The following SLC75A1 variants were observed in gnomAD, a reference collection of about 807,000 sequenced individuals.
The protein encoded by SLC75A1 is major facilitator superfamily domain containing 10.
chr4:2,930,854 G>A, the SLC75A1 span: 35 of 1,613,082 alleles, frequency 2.2e-5, no homozygotes, highest in African/African-American at 5.3e-5. Flanking sequence ...AGCCTTGAGC[G>A]TCTGTGCCGG....
At chr4:2,932,037 G>A in the SLC75A1 span, 1 of 1,610,582 alleles carries the variant, frequency 6.2e-7, no homozygotes, top group Non-Finnish European at 8.5e-7. Flanking sequence ...GGTTGGTCGA[G>A]TCCTTACTGT....
chr4:2,932,519 A>C, the SLC75A1 span: 106 of 1,613,294 alleles, frequency 6.6e-5, no homozygotes, highest in Non-Finnish European at 1.0e-5. Flanking sequence ...CCGCCTAGGG[A>C]AAAGACCACC....
At chr4:2,933,126 G>A in the SLC75A1 span, 11 of 1,613,602 alleles carry the variant, frequency 6.8e-6, no homozygotes, top group Admixed American at 1.5e-4. Flanking sequence ...AGCATCACCG[G>A]GCGCCTCCCC....
the SLC75A1 span, chr4:2,931,466 C>T: frequency 6.3e-7 from 1 of 1,575,494 alleles, no homozygotes; most frequent in Non-Finnish European, 8.6e-7. Flanking sequence ...GCAGGAGGGC[C>T]TGCAGGTGGG....
At chr4:2,933,030 TC>T in the SLC75A1 span, 1 of 1,430,118 alleles carries the variant, frequency 7.0e-7, no homozygotes, top group African/African-American at 1.4e-5. Flanking sequence ...CACCTCCCTC[TC>T]CCCACCTAAC....
At chr4:2,934,168 C>A in the SLC75A1 span, 2 of 575,400 alleles carry the variant, frequency 3.5e-6, no homozygotes, top group Non-Finnish European at 6.2e-6. Flanking sequence ...GCAAAGGCAA[C>A]GGTCCTGAGA....
the SLC75A1 span, chr4:2,931,653 C>A: frequency 6.2e-7 from 1 of 1,613,344 alleles, no homozygotes; most frequent in Non-Finnish European, 8.5e-7. Context: ...AACATCTTCC[C>A]CTGCTGTAGG....
chr4:2,930,820 C>G, the SLC75A1 span: 6 of 1,612,074 alleles, frequency 3.7e-6, no homozygotes, highest in African/African-American at 6.7e-5. Flanking sequence ...TGCCCACAGC[C>G]TGGGCACAGT....
the SLC75A1 span, chr4:2,931,242 C>G: frequency 6.4e-7 from 1 of 1,564,334 alleles, no homozygotes; most frequent in Non-Finnish European, 8.7e-7. Context: ...CCAGCGACCA[C>G]GGAGGACAGG....
At chr4:2,932,296 C>T in the SLC75A1 span, 3 of 1,576,302 alleles carry the variant, frequency 1.9e-6, no homozygotes, top group African/African-American at 1.4e-5. Flanking sequence ...CTTTACATCG[C>T]TATGGAATCA....
At chr4:2,931,191 C>T in the SLC75A1 span, 226 of 1,557,662 alleles carry the variant, frequency 1.5e-4, no homozygotes, top group Non-Finnish European at 1.9e-4. Flanking sequence ...GCCCTTCTCC[C>T]GCTCAGGTGG....
the SLC75A1 span, chr4:2,932,033 T>A: frequency 6.2e-7 from 1 of 1,610,218 alleles, no homozygotes; most frequent in East Asian, 2.2e-5. Context: ...CTTGGGTTGG[T>A]CGAGTCCTTA....
At chr4:2,932,648 C>T in the SLC75A1 span, 135 of 1,612,780 alleles carry the variant, frequency 8.4e-5, no homozygotes, top group African/African-American at 1.3e-3. Context: ...CAACGATGGC[C>T]GTGGAGAGGC....
chr4:2,931,612 G>C, the SLC75A1 span: 1 of 1,613,656 alleles, frequency 6.2e-7, no homozygotes, highest in Admixed American at 1.7e-5. Context: ...AGGCACCCTG[G>C]ATGGTGGCCA....
the SLC75A1 span, chr4:2,930,725 C>G: frequency 7.9e-7 from 1 of 1,261,510 alleles, no homozygotes; most frequent in South Asian, 1.5e-5. Context: ...GGGGCCGGCC[C>G]CCACCCACAG....
chr4:2,932,578 A>C, the SLC75A1 span: 1 of 1,612,684 alleles, frequency 6.2e-7, no homozygotes, highest in South Asian at 1.1e-5. Context: ...CAGGACCCCA[A>C]AGGCCCAGCC....
the SLC75A1 span, chr4:2,931,315 A>G: frequency 6.5e-7 from 1 of 1,547,256 alleles, no homozygotes; most frequent in South Asian, 1.2e-5. Flanking sequence ...AGCCCAGGGG[A>G]GGGTGCATCA....
chr4:2,931,941 G>A, the SLC75A1 span: 1 of 1,606,280 alleles, frequency 6.2e-7, no homozygotes, highest in Non-Finnish European at 8.5e-7. Flanking sequence ...TGAGCCCTGG[G>A]GAGAGGTGGC....
the SLC75A1 span, chr4:2,933,734 C>A: frequency 1.2e-6 from 2 of 1,604,852 alleles, no homozygotes; most frequent in African/African-American, 2.7e-5. Context: ...GCACTGTGGG[C>A]CGCAGGGCAA....
Sources: gnomAD v4.1 joint callset for allele counts on GRCh38, gnomAD v4.1.1 for gene constraint, MANE v1.5 for transcripts, NCBI Gene and HGNC (gene_info 2026-07-23, HGNC 2026-07-21) for gene names.